UMODL1: variants seen among roughly 807,000 people sequenced by gnomAD.
UMODL1 encodes uromodulin-like 1.
A neutral mutation model predicts 136.3 loss-of-function variants in UMODL1; 128 were observed. The observed-to-expected ratio is 0.94, with a 90% CI of 0.81 to 1.09. The LOEUF (loss-of-function observed/expected upper bound fraction) is 1.09. UMODL1 is among the 50% of genes least tolerant of loss of function. UMODL1 has a pLI of 0.00. For synonymous variants in UMODL1, 721 were observed against 720.0 expected, an observed-to-expected ratio of 1.00 and a Z score of -0.02; for missense variants, 1,766 against 1,725.6, an observed-to-expected ratio of 1.02 and a Z score of -0.41.
intron 2 of UMODL1, among the ~76,000 whole-genome samples, chr21:42,080,948 A>G (rs1467597569): frequency 6.6e-6 from 1 of 152,228 alleles, no homozygotes; most frequent in Non-Finnish European, 1.5e-5. Context: ...GTTGTTTCCA[A>G]TTACTCATTA....
intron 1 of UMODL1, among the ~76,000 whole-genome samples, chr21:42,072,720 G>C (rs1008239491): frequency 6.6e-6 from 1 of 152,228 alleles, no homozygotes; most frequent in Non-Finnish European, 1.5e-5. Context: ...TGACATGGGC[G>C]CAATCATGCA....
In UMODL1 at chr21:42,122,485, G is replaced by A. The variant is rs146897057; in HGVS notation, c.2828-346G>A. On this transcript the variant is annotated intron_variant, in intron 16 of 22. Coordinates refer to ENST00000408910, the MANE Select transcript of UMODL1 (RefSeq NM_001004416.3). The surrounding 1 kb of genome is among the most constrained non-coding windows in gnomAD (Gnocchi z 4.3). ...TCAGGTCCCTCGGTCCTTGGCCCTC[G>A]GGGGCCCATGGTGAGCCTGGATCCC... Among the ~76,000 whole-genome samples, 18 of 152,312 alleles carry A rather than the reference G, an allele frequency of 1.2e-4. No individual in the cohort carries two copies. Among genetic ancestry groups the A allele is most frequent in the Non-Finnish European group, 2.1e-4 (14 of 68,010 alleles).
chr21:42,135,775 T>G (rs1366412086), intron 21 of UMODL1, among the ~76,000 whole-genome samples: 1 of 152,044 alleles, frequency 6.6e-6, no homozygotes, highest in East Asian at 1.9e-4. Context: ...TCCCTCTCTC[T>G]GGAGGAGGGA....
Position 42,113,774 on chromosome 21 carries a change from T to A in UMODL1, c.2306T>A (p.Ile769Asn), listed in dbSNP as rs2066868939. ...LEPGVLHLVE[I>N]MAKACGKEGA... is the part of the protein sequence containing the mutation. ...CCTGGGGTCTTGCACCTGGTTGAGA[T>A]CATGGCCAAAGCATGTGGGAAAGAA... is the stretch of plus-strand genomic sequence containing the variant. Residue 769 changes from isoleucine (I) to asparagine (N), a missense_variant, in exon 13 of 23, where the codon ATC becomes AAC. Transcript: ENST00000408910. 5.0e-6 allele frequency: 8 copies of A among 1,614,028 alleles called. No individual in the cohort carries two copies. Among genetic ancestry groups the A allele is most frequent in the Non-Finnish European group, 5.1e-6 (6 of 1,180,002 alleles).
rs564440274 is a variant in UMODL1 at position 42,096,308 on chromosome 21, A to C, written c.932-2618A>C. On this transcript the variant is annotated intron_variant, in intron 6 of 22. Coordinates refer to ENST00000408910, the MANE Select transcript of UMODL1 (RefSeq NM_001004416.3). Reference sequence around the variant, plus strand: ...AATGCTTGCAATCTCTCTTAGTTGCAAAAGTCACTGACGGCAGCTTCTGCA... The same window carrying C: ...AATGCTTGCAATCTCTCTTAGTTGCCAAAGTCACTGACGGCAGCTTCTGCA... 3.2e-4 allele frequency among the ~76,000 whole-genome samples: 49 copies of C among 152,326 alleles called. 1 individual carries two copies. Among genetic ancestry groups the C allele is most frequent in the Non-Finnish European group, 5.6e-4 (38 of 68,028 alleles).
intron 6 of UMODL1, among the ~76,000 whole-genome samples, chr21:42,097,365 G>A (rs1042345475): frequency 2.0e-5 from 3 of 152,126 alleles, no homozygotes; most frequent in Non-Finnish European, 4.4e-5. Flanking sequence ...ACCTACACAG[G>A]GACCAAGATT....
upstream of UMODL1, among the ~76,000 whole-genome samples, chr21:42,067,925 C>T (rs565293517): frequency 5.3e-5 from 8 of 152,294 alleles, no homozygotes; most frequent in African/African-American, 1.7e-4. Context: ...ATAAGAAAGC[C>T]GAGCTTCTTC....
rs756289285 is a variant in UMODL1 at position 42,102,209 on chromosome 21, C to G, written c.1230C>G (p.Asn410Lys). ...FEVTIKIVNHNLTEKLLNRSS... is the reference protein window; with the variant it reads ...FEVTIKIVNHKLTEKLLNRSS... The stretch of plus-strand genomic sequence containing the variant: ...TCACAATAAAGATTGTAAACCACAA[C>G]CTGACGGAGAAGTTACTCAACCGCA... Residue 410 changes from asparagine to lysine, a missense_variant, in exon 8 of 23, where the codon AAC (asparagine) becomes AAG (lysine). Asn to Lys is a moderately conservative substitution (Grantham distance 94, BLOSUM62 0). Transcript: ENST00000408910. 2 of 1,613,776 alleles carry G rather than the reference C, an allele frequency of 1.2e-6. No homozygotes were observed. The highest frequency in any genetic ancestry group is 1.7e-6 in the Non-Finnish European group (2 of 1,179,816).
rs2066597717 is a variant in UMODL1 at position 42,099,253 on chromosome 21, T to A, written c.1186+73T>A. On this transcript the variant is annotated intron_variant, in intron 7 of 22. Coordinates refer to ENST00000408910, the MANE Select transcript of UMODL1 (RefSeq NM_001004416.3). This position sits in a 1 kb window ranked among gnomAD's most constrained non-coding sequence, Gnocchi z 4.1. ...CTATCCCAGGTCTGTGGCCCTAGCA[T>A]GTCGCGTTCTTCTTCCTATAACCAG... The A allele has an allele frequency of 1.3e-6, 2 of 1,557,436 alleles. No individual in the cohort carries two copies. The highest frequency in any genetic ancestry group is 3.7e-5 in the Admixed American group (2 of 54,722).
At chr21:42,137,312 G>A in intron 21 of UMODL1, 127 bp from the exon 22 acceptor site, 2 of 1,189,236 alleles carry the variant, frequency 1.7e-6, no homozygotes, top group South Asian at 2.8e-5. Flanking sequence ...AGGCACACGG[G>A]TGCACACGTG....
chr21:42,122,766 C>A lies in UMODL1; in HGVS notation c.2828-65C>A. 6.7e-7 allele frequency: 1 copy of A among 1,501,940 alleles called. No individual in the cohort carries two copies. Among genetic ancestry groups the A allele is most frequent in the East Asian group, 2.3e-5 (1 of 43,062 alleles). 93.0% of individuals were successfully genotyped at this position (1,501,940 alleles called of 1,614,324 possible). A position where few individuals can be genotyped will look rare whatever the true frequency, so the allele number is the denominator to read the frequency against. On this transcript the variant is annotated intron_variant, in intron 16 of 22. Coordinates refer to ENST00000408910, the MANE Select transcript of UMODL1 (RefSeq NM_001004416.3). The surrounding 1 kb of genome is among the most constrained non-coding windows in gnomAD (Gnocchi z 4.3). ...GGCAGCTCCAGTCTGCTCCTTACCC[C>A]TGCCCCTCCATGCCAACCCCAAACA... is the stretch of plus-strand genomic sequence containing the variant.
Position 42,078,539 on chromosome 21 carries a change from AACCAGGCGGG to A in UMODL1, c.319+2293_319+2302del, listed in dbSNP as rs1256729380. On this transcript the variant is annotated intron_variant, in intron 2 of 22. Coordinates refer to ENST00000408910, the MANE Select transcript of UMODL1 (RefSeq NM_001004416.3). ...GAGCAACACCTCCATCACCAACAGA[AACCAGGCGGG>A]GCCAGCTGACCCCAGAGCAACACCT... Among the ~76,000 whole-genome samples, 27 of 26,948 alleles carry A rather than the reference AACCAGGCGGG, an allele frequency of 1.0e-3. 9 individuals carry two copies. The highest frequency in any genetic ancestry group is 8.6e-3 in the South Asian group (7 of 810). The allele number at this position is 26,948 out of a possible 152,430, so 17.7% of individuals were successfully genotyped here.
In UMODL1 at chr21:42,099,098, G is replaced by A. The variant is rs762300410; in HGVS notation, c.1104G>A (p.Leu368=). ...TQSQALAVAG[L]EAGVLYRVKT... ...GCCAGGCACTGGCAGTGGCTGGGCTGGAGGCTGGAGTGCTGTACAGGGTGA... is the reference window on the plus strand; with the variant it reads ...GCCAGGCACTGGCAGTGGCTGGGCTAGAGGCTGGAGTGCTGTACAGGGTGA... The change falls in exon 7 of 23, where the codon CTG becomes CTA. Residue 368 remains leucine (L), a synonymous_variant. Coordinates refer to ENST00000408910, the MANE Select transcript of UMODL1 (RefSeq NM_001004416.3). This position sits in a 1 kb window ranked among gnomAD's most constrained non-coding sequence, Gnocchi z 4.1. The A allele has an allele frequency of 2.1e-5, 34 of 1,614,066 alleles. No homozygotes were observed. The South Asian group carries it at 3.7e-4, about 18-fold the overall frequency.
In UMODL1 at chr21:42,084,388, G is replaced by A. The variant is rs867135836; in HGVS notation, c.481+143G>A. 9.8e-5 allele frequency: 83 copies of A among 845,574 alleles called. 1 individual carries two copies. In the African/African-American group the frequency reaches 9.8e-4, roughly 10 times the overall value. 52.4% of individuals were successfully genotyped at this position (845,574 alleles called of 1,614,324 possible). A position where few individuals can be genotyped will look rare whatever the true frequency, so the allele number is the denominator to read the frequency against. On this transcript the variant is annotated intron_variant, in intron 3 of 22. Coordinates refer to ENST00000408910, the MANE Select transcript of UMODL1 (RefSeq NM_001004416.3). ...GGAGCCCCCACCGTGTGCACAGGCA[G>A]CACCTGCTCTTAGATAATTTCTTAG...
chr21:42,137,330 C>T, intron 21 of UMODL1, 109 bp from the exon 22 acceptor site: 2 of 1,381,092 alleles, frequency 1.4e-6, no homozygotes, highest in Non-Finnish European at 1.0e-6. Context: ...GTGGGCCTTG[C>T]ATTCCCCGTG....
At chr21:42,126,129 G>T (rs116588148) in intron 17 of UMODL1, among the ~76,000 whole-genome samples, 195 of 152,296 alleles carry the variant, frequency 1.3e-3, no homozygotes, top group African/African-American at 4.4e-3. Context: ...ACAGGTTCAG[G>T]TGCTGCCTCC....
chr21:42,126,925 T>G, intron 18 of UMODL1, 81 bp from the exon 19 acceptor site: 1 of 1,141,660 alleles, frequency 8.8e-7, no homozygotes, highest in Non-Finnish European at 1.3e-6. Flanking sequence ...GAGCTGTGTT[T>G]TAGGGGAGAA....
intron 5 of UMODL1, among the ~76,000 whole-genome samples, 198 bp from the exon 6 acceptor site, chr21:42,090,100 A>G (rs144695891): frequency 2.7e-3 from 409 of 152,252 alleles, no homozygotes; most frequent in African/African-American, 9.6e-3. Context: ...TGCTTGGATG[A>G]CGATGGCCAG....
At chr21:42,108,691 G>A (rs1158662473) in intron 9 of UMODL1, among the ~76,000 whole-genome samples, 4 of 152,166 alleles carry the variant, frequency 2.6e-5, no homozygotes, top group African/African-American at 4.8e-5. Flanking sequence ...TGACGACCTC[G>A]GCTCAGCCAC....
Sources: gnomAD v4.1 joint callset for allele counts (sites outside exome capture counted in the v4.1 genomes callset) on GRCh38, gnomAD v4.1.1 for gene constraint, Gnocchi (gnomAD v3.1) non-coding constraint, MANE v1.5 for transcripts, NCBI Gene and HGNC (gene_info 2026-07-23, HGNC 2026-07-21) for gene names.